The following KCNH7 variants were observed in gnomAD, a reference collection of about 807,000 sequenced individuals.
The protein encoded by KCNH7 is potassium voltage-gated channel subfamily H member 7.
Under a neutral mutation model 120.8 loss-of-function variants are expected in KCNH7, and 49 were observed. The ratio of observed to expected loss-of-function variants is 0.41; its 90% confidence interval spans 0.32 to 0.51. The LOEUF (loss-of-function observed/expected upper bound fraction) is 0.51. Ranked by LOEUF, KCNH7 falls within the 20% of genes least tolerant of loss-of-function variation. KCNH7 has a pLI of 0.38. For missense variants in KCNH7, 1,097 were observed against 1,446.6 expected (o/e 0.76, Z 3.92); for synonymous variants, 547 against 516.1 (o/e 1.06, Z -0.81).
chr2:162,583,326 C>A (rs977142774), intron 2 of KCNH7, among the ~76,000 whole-genome samples: 1 of 151,956 alleles, frequency 6.6e-6, no homozygotes, highest in African/African-American at 2.4e-5. Flanking sequence ...ACTTTCAGAG[C>A]ATGTACAAGT....
intron 3 of KCNH7, among the ~76,000 whole-genome samples, chr2:162,534,710 C>T (rs551933472): frequency 2.6e-5 from 4 of 151,696 alleles, no homozygotes; most frequent in East Asian, 3.9e-4. Context: ...TATTTAAATG[C>T]TTCAATAGCA....
chr2:162,497,621 G>A lies in KCNH7; in HGVS notation c.1128+6822C>T, dbSNP rs186187731. On this transcript the variant is annotated intron_variant, in intron 6 of 15. Coordinates refer to ENST00000332142, the MANE Select transcript of KCNH7 (RefSeq NM_033272.4). ...ATAAAGAGGATATATTTTAGAGAAT[G>A]AGAACTTCACTTTTGGAATCAAATT... Among the ~76,000 whole-genome samples the A allele has an allele frequency of 1.2e-3, 184 of 152,236 alleles. 1 individual carries two copies. Among genetic ancestry groups the A allele is most frequent in the Non-Finnish European group, 1.0e-3 (71 of 68,004 alleles).
chr2:162,371,531 T>A lies in KCNH7; in HGVS notation c.*298A>T. ...TTAGTAAAAGCAGTAAATAGGAGTC[T>A]CCATGCAAGAGAAATTGGAGTTTCC... On this transcript the variant is annotated 3_prime_UTR_variant, in exon 16 of 16. Coordinates refer to ENST00000332142, the MANE Select transcript of KCNH7 (RefSeq NM_033272.4). 9.4e-7 allele frequency: 1 copy of A among 1,062,346 alleles called. No individual in the cohort carries two copies. The highest frequency in any genetic ancestry group is 1.2e-6 in the Non-Finnish European group (1 of 823,692). The allele number at this position is 1,062,346 out of a possible 1,614,324, so 65.8% of individuals were successfully genotyped here.
intron 2 of KCNH7, among the ~76,000 whole-genome samples, chr2:162,820,017 T>C (rs1195612075): frequency 6.6e-6 from 1 of 151,362 alleles, no homozygotes; most frequent in Admixed American, 6.6e-5. Context: ...GTTCGGGTAT[T>C]TCTTTATTCC....
intron 5 of KCNH7, among the ~76,000 whole-genome samples, chr2:162,510,644 T>G (rs1691039636): frequency 6.6e-6 from 1 of 151,734 alleles, no homozygotes; most frequent in Non-Finnish European, 1.5e-5. Context: ...AAAATGTTTT[T>G]TGGTTGAATA....
chr2:162,605,878 C>T (rs1023980351), intron 2 of KCNH7, among the ~76,000 whole-genome samples: 1 of 151,980 alleles, frequency 6.6e-6, no homozygotes, highest in East Asian at 1.9e-4. Flanking sequence ...AATAAATTTT[C>T]CACAACTTTT....
chr2:162,414,653 A>G (rs1417430176), intron 9 of KCNH7, among the ~76,000 whole-genome samples: 1 of 152,040 alleles, frequency 6.6e-6, no homozygotes, highest in African/African-American at 2.4e-5. Flanking sequence ...ATGCAAATAT[A>G]AGTATAATTA....
intron 6 of KCNH7, among the ~76,000 whole-genome samples, chr2:162,485,365 A>T (rs143719103): frequency 1.3e-3 from 199 of 152,314 alleles, no homozygotes; most frequent in African/African-American, 4.1e-3. Flanking sequence ...TTCTCTTTTT[A>T]ATACTCATTA....
In KCNH7 at chr2:162,567,281, C is replaced by A. The variant is rs144827499; in HGVS notation, c.308-30201G>T. 7.2e-5 allele frequency among the ~76,000 whole-genome samples: 11 copies of A among 152,082 alleles called. No homozygotes were observed. The East Asian group carries it at 2.1e-3, about 29-fold the overall frequency. Reference sequence around the variant, plus strand: ...ACAAAGCATTAAGAACAAAAGAGATCCCTCTTTTTTACTCTCTTTTCTTCC... The same window carrying A: ...ACAAAGCATTAAGAACAAAAGAGATACCTCTTTTTTACTCTCTTTTCTTCC... On this transcript the variant is annotated intron_variant, in intron 2 of 15. Coordinates refer to ENST00000332142, the MANE Select transcript of KCNH7 (RefSeq NM_033272.4).
At chr2:162,520,935 A>G (rs967518316) in intron 3 of KCNH7, among the ~76,000 whole-genome samples, 2 of 151,812 alleles carry the variant, frequency 1.3e-5, no homozygotes, top group African/African-American at 4.8e-5. Flanking sequence ...AGTCATATGG[A>G]ATTTTAATTC....
At chr2:162,511,888 T>C (rs1222140790) in intron 5 of KCNH7, among the ~76,000 whole-genome samples, 4 of 151,758 alleles carry the variant, frequency 2.6e-5, no homozygotes, top group African/African-American at 9.7e-5. Context: ...CACAGCAGCA[T>C]GCATGGCCTA....
chr2:162,667,617 C>G (rs530901951), intron 2 of KCNH7, among the ~76,000 whole-genome samples: 74 of 152,144 alleles, frequency 4.9e-4, no homozygotes, highest in Non-Finnish European at 7.6e-4. Flanking sequence ...TTTGGAATAC[C>G]CTTCCCCTTT....
chr2:162,525,538 A>G (rs1198937065), intron 3 of KCNH7, among the ~76,000 whole-genome samples: 2 of 152,008 alleles, frequency 1.3e-5, no homozygotes, highest in Non-Finnish European at 2.9e-5. Flanking sequence ...ACACAGCAGC[A>G]TAATATACAC....
chr2:162,763,204 A>C (rs2105454932), intron 2 of KCNH7, among the ~76,000 whole-genome samples: 1 of 152,284 alleles, frequency 6.6e-6, no homozygotes, highest in East Asian at 1.9e-4. Flanking sequence ...TGCTCCTTTA[A>C]GACAGGAGCC....
chr2:162,665,753 A>G (rs980579740), intron 2 of KCNH7, among the ~76,000 whole-genome samples: 1 of 152,136 alleles, frequency 6.6e-6, no homozygotes, highest in Non-Finnish European at 1.5e-5. Flanking sequence ...TGCTACATGG[A>G]TCCTATGCCC....
intron 2 of KCNH7, among the ~76,000 whole-genome samples, chr2:162,815,854 T>C (rs913083420): frequency 1.3e-5 from 2 of 152,214 alleles, no homozygotes; most frequent in African/African-American, 4.8e-5. Flanking sequence ...TTCAGGATTA[T>C]GGTGAAGAAG....
Position 162,584,213 on chromosome 2 carries a change from T to A in KCNH7, c.308-47133A>T, listed in dbSNP as rs73026657. ...GCCTCTAATACCATATGCTGTTTGA[T>A]GATGTAATTTACATTTTGTTTTACA... is the stretch of plus-strand genomic sequence containing the variant. On this transcript the variant is annotated intron_variant, in intron 2 of 15. Transcript: ENST00000332142. 5.3e-5 allele frequency among the ~76,000 whole-genome samples: 8 copies of A among 152,118 alleles called. 1 individual carries two copies. Among genetic ancestry groups the A allele is most frequent in the African/African-American group, 1.7e-4 (7 of 41,428 alleles).
intron 6 of KCNH7, among the ~76,000 whole-genome samples, chr2:162,496,657 G>A (rs1482852468): frequency 1.3e-5 from 2 of 152,062 alleles, no homozygotes; most frequent in African/African-American, 4.8e-5. Context: ...GCTGAGCTAA[G>A]GAGCAAAAAA....
chr2:162,759,776 G>T (rs769846868), intron 2 of KCNH7, among the ~76,000 whole-genome samples: 5 of 151,900 alleles, frequency 3.3e-5, no homozygotes, highest in Non-Finnish European at 4.4e-5. Flanking sequence ...AAAAGCTTTT[G>T]GAATTTTTAA....
Sources: gnomAD v4.1 joint callset for allele counts (sites outside exome capture counted in the v4.1 genomes callset) on GRCh38, gnomAD v4.1.1 for gene constraint, MANE v1.5 for transcripts, NCBI Gene and HGNC (gene_info 2026-07-23, HGNC 2026-07-21) for gene names.